Variants in GRK7 observed in about 807,000 individuals in gnomAD.
GRK7 encodes the protein G protein-coupled receptor kinase 7.
GRK7 carries 24 observed loss-of-function variants against 34.1 expected under a neutral mutation model. That is an observed-to-expected ratio of 0.70 (90% confidence interval 0.51 to 0.99). The LOEUF (loss-of-function observed/expected upper bound fraction) is 0.99. GRK7 is among the 50% of genes least tolerant of loss of function. The probability of loss-of-function intolerance (pLI) is 0.00; values close to 1 mark genes in which losing one functional copy is unlikely to be tolerated. For missense variants in GRK7, 644 were observed against 707.3 expected, an observed-to-expected ratio of 0.91 and a Z score of 1.02; for synonymous variants, 256 against 279.4, an observed-to-expected ratio of 0.92 and a Z score of 0.84.
chr3:141,798,345 C>T (rs1420163217), intron 4 of GRK7, among the ~76,000 whole-genome samples: 1 of 152,198 alleles, frequency 6.6e-6, no homozygotes, highest in East Asian at 1.9e-4. Flanking sequence ...TCGCCCAATG[C>T]TGGGTATACT....
the GRK7 span, among the ~76,000 whole-genome samples, chr3:141,750,598 T>C: frequency 6.6e-6 from 1 of 152,288 alleles, no homozygotes; most frequent in Non-Finnish European, 1.5e-5. Flanking sequence ...GCCATTATTA[T>C]TGATCACTAC....
intron 4 of GRK7, among the ~76,000 whole-genome samples, chr3:141,783,767 G>C (rs960921583): frequency 2.0e-5 from 3 of 152,162 alleles, no homozygotes; most frequent in African/African-American, 7.2e-5. Context: ...AGTAGGTGTT[G>C]ATCCTGTGGG....
chr3:141,806,701 G>C (rs950538000), intron 4 of GRK7, among the ~76,000 whole-genome samples: 8 of 152,044 alleles, frequency 5.3e-5, no homozygotes, highest in Non-Finnish European at 1.0e-4. Context: ...TTCATAGAGA[G>C]AGAAAGTAAA....
intron 1 of GRK7, among the ~76,000 whole-genome samples, chr3:141,769,232 C>T (rs989467955): frequency 6.6e-6 from 1 of 152,194 alleles, no homozygotes. Context: ...TAACCATCCT[C>T]CAGCTCTCCT....
Position 141,778,307 on chromosome 3 carries a change from A to C in GRK7, c.23A>C (p.Asp8Ala), listed in dbSNP as rs373761431. The change falls in exon 3 of 6, where the codon GAC (aspartate) becomes GCC (alanine). Residue 8 changes from aspartate (D) to alanine (A), a missense_variant. Physicochemically the swap from Asp to Ala is moderately radical, Grantham distance 126 (BLOSUM62 -2). Coordinates refer to ENST00000682958, the MANE Select transcript of GRK7 (RefSeq NM_139209.3). This position sits in a 1 kb window ranked among gnomAD's most constrained non-coding sequence, Gnocchi z 4.1. ...GCCATGGTGGACATGGGGGCCCTGG[A>C]CAACCTGATCGCCAACACCGCCTAC... is the stretch of plus-strand genomic sequence containing the variant. MVDMGAL[D>A]NLIANTAYLQ... 1.9e-6 allele frequency: 3 copies of C among 1,584,904 alleles called. No homozygotes were observed. Among genetic ancestry groups the C allele is most frequent in the Non-Finnish European group, 2.6e-6 (3 of 1,163,428 alleles).
chr3:141,756,846 T>C, the GRK7 span, among the ~76,000 whole-genome samples: 7,262 of 152,262 alleles, frequency 0.048, 161 homozygotes, highest in South Asian at 0.084. Context: ...CTTGTTCTGG[T>C]CCCCTGTGGA....
chr3:141,816,999 G>T lies in GRK7; in HGVS notation c.1611G>T (p.Thr537=), dbSNP rs146245006. ...AACTGAATGACCCCAACAGACCTAC[G>T]GGTTGTGAGGAGGGTAATTCATCCA... is the stretch of plus-strand genomic sequence containing the variant. ...FEELNDPNRP[T]GCEEGNSSKS... The change falls in exon 6 of 6, where the codon ACG becomes ACT. Residue 537 remains threonine (T), a synonymous_variant. Coordinates refer to ENST00000682958, the MANE Select transcript of GRK7 (RefSeq NM_139209.3). 6.8e-6 allele frequency: 11 copies of T among 1,612,546 alleles called. No homozygotes were observed. Among genetic ancestry groups the T allele is most frequent in the Non-Finnish European group, 9.3e-6 (11 of 1,179,764 alleles).
intron 4 of GRK7, among the ~76,000 whole-genome samples, chr3:141,801,032 C>T (rs12106890): frequency 0.22 from 34,108 of 151,920 alleles, 8,249 homozygotes; most frequent in African/African-American, 0.61. Flanking sequence ...ATGCATGGGC[C>T]GGGTGCAGTG....
At position 141,780,464 on chromosome 3, in the gene GRK7, A is replaced by T; in HGVS notation, c.703A>T (p.Met235Leu). The change falls in exon 4 of 6, where the codon ATG (methionine) becomes TTG (leucine). Residue 235 changes from methionine to leucine, a missense_variant. Coordinates refer to ENST00000682958, the MANE Select transcript of GRK7 (RefSeq NM_139209.3). ...KRLKKKGGEK[M>L]ALLEKEILEK... ...GCTGAAGAAGAAAGGTGGCGAGAAG[A>T]TGGCTCTCTTGGAAAAGGAAATCTT... is the stretch of plus-strand genomic sequence containing the variant. 6.2e-7 allele frequency: 1 copy of T among 1,614,246 alleles called. No individual in the cohort carries two copies. The highest frequency in any genetic ancestry group is 8.5e-7 in the Non-Finnish European group (1 of 1,180,046).
intron 4 of GRK7, among the ~76,000 whole-genome samples, chr3:141,793,537 G>A (rs1444238562): frequency 1.3e-5 from 2 of 152,200 alleles, no homozygotes; most frequent in South Asian, 2.1e-4. Context: ...TGCGGCAGGC[G>A]GTGGGGACTA....
chr3:141,755,068 A>G, the GRK7 span, among the ~76,000 whole-genome samples: 1 of 152,214 alleles, frequency 6.6e-6, no homozygotes, highest in African/African-American at 2.4e-5. Context: ...CTAAACTCGA[A>G]TTTTATGCCA....
intron 5 of GRK7, among the ~76,000 whole-genome samples, chr3:141,808,755 G>A (rs1437534966): frequency 1.3e-5 from 2 of 151,986 alleles, no homozygotes; most frequent in Non-Finnish European, 2.9e-5. Context: ...GTTTCCTGGG[G>A]TTAAGGGGAG....
At chr3:141,795,743 C>T (rs1440938663) in intron 4 of GRK7, among the ~76,000 whole-genome samples, 3 of 151,806 alleles carry the variant, frequency 2.0e-5, no homozygotes, top group Non-Finnish European at 4.4e-5. Flanking sequence ...AGATGGAGAC[C>T]AGCCTGGGCA....
rs1163393875 is a variant in GRK7, at chr3:141,818,941, C to T, written c.*1891C>T. Among the ~76,000 whole-genome samples, 3 of 152,216 alleles carry T rather than the reference C, an allele frequency of 2.0e-5. No individual in the cohort carries two copies. Among genetic ancestry groups the T allele is most frequent in the Non-Finnish European group, 4.4e-5 (3 of 68,034 alleles). On this transcript the variant is annotated 3_prime_UTR_variant, in exon 6 of 6. Transcript: ENST00000682958. ...CCGGTGCACCTGCGGCTCACTTTCC[C>T]GCTCCTCCTCCATCCTCAGCATGCT...
At chr3:141,797,184 C>T (rs1260361403) in intron 4 of GRK7, among the ~76,000 whole-genome samples, 1 of 152,226 alleles carries the variant, frequency 6.6e-6, no homozygotes, top group East Asian at 1.9e-4. Context: ...AATGGGTGTC[C>T]TTCCAGGGGT....
the GRK7 span, among the ~76,000 whole-genome samples, chr3:141,753,545 C>G: frequency 5.3e-5 from 8 of 152,252 alleles, no homozygotes; most frequent in Admixed American, 2.0e-4. Flanking sequence ...ATAGGGTTGG[C>G]GCTCCCATGA....
intron 5 of GRK7, among the ~76,000 whole-genome samples, chr3:141,815,699 CTGTGTGTGTGTGTGTGTG>C (rs61336912): frequency 6.9e-6 from 1 of 145,912 alleles, no homozygotes; most frequent in South Asian, 2.2e-4. Context: ...CTATTTTGAG[CTGTGTGTGTGTGTGTGTG>C]TGTGTGTGTG....
chr3:141,769,414 CCA>C, intron 1 of GRK7, among the ~76,000 whole-genome samples: 1 of 152,236 alleles, frequency 6.6e-6, no homozygotes, highest in Admixed American at 6.5e-5. Context: ...CTTTCTGCAC[CCA>C]CTCTATTCAT....
At chr3:141,804,779 G>C (rs1267130258) in intron 4 of GRK7, among the ~76,000 whole-genome samples, 2 of 145,826 alleles carry the variant, frequency 1.4e-5, no homozygotes, top group African/African-American at 5.1e-5. Flanking sequence ...ATACACACAT[G>C]CTCACATACA....
Sources: gnomAD v4.1 joint callset for allele counts (sites outside exome capture counted in the v4.1 genomes callset) on GRCh38, gnomAD v4.1.1 for gene constraint, Gnocchi (gnomAD v3.1) non-coding constraint, MANE v1.5 for transcripts, NCBI Gene and HGNC (gene_info 2026-07-23, HGNC 2026-07-21) for gene names.